SPATS2: variants seen among roughly 807,000 people sequenced by gnomAD.
The protein encoded by SPATS2 is spermatogenesis-associated serine-rich protein 2.
Under a neutral mutation model 63.7 loss-of-function variants are expected in SPATS2, and 38 were observed. That is an observed-to-expected ratio of 0.60 (90% confidence interval 0.46 to 0.78). The LOEUF (loss-of-function observed/expected upper bound fraction) is 0.78. Among genes scored for constraint, SPATS2 ranks in the 30% least tolerant of loss-of-function variants. The pLI, the probability that SPATS2 is intolerant of heterozygous loss-of-function variation, is 0.00. For missense variants in SPATS2, 588 were observed against 666.2 expected (o/e 0.88, Z 1.29); for synonymous variants, 207 against 232.9 (o/e 0.89, Z 1.01).
intron 2 of SPATS2, chr12:49,441,633 T>C (rs1451496015): frequency 6.6e-6 from 1 of 152,218 alleles, no homozygotes. Context: ...TTATTGGTTG[T>C]ACTGAAGATC....
intron 2 of SPATS2, among the ~76,000 whole-genome samples, chr12:49,395,000 G>C (rs1177256464): frequency 6.6e-6 from 1 of 151,816 alleles, no homozygotes; most frequent in Non-Finnish European, 1.5e-5. Flanking sequence ...TTGAACCCAG[G>C]AGGCGGAGGT....
rs1565760757 is a variant in SPATS2 at position 49,516,160 on chromosome 12, AAAAAAAATATATAT to A, written c.898+1549_898+1562del. Among the ~76,000 whole-genome samples the A allele has an allele frequency of 6.0e-4, 18 of 29,886 alleles. 1 individual carries two copies. In the South Asian group the frequency reaches 7.5e-3, roughly 12 times the overall value. The allele number at this position is 29,886 out of a possible 152,430, so 19.6% of individuals were successfully genotyped here. The stretch of plus-strand genomic sequence containing the variant: ...TCTCAAAAAAAAAAAAAAAAAAAAA[AAAAAAAATATATAT>A]ATATATATATATATATATATATATA... On this transcript the variant is annotated intron_variant, in intron 10 of 13. Transcript: ENST00000552918.
chr12:49,467,890 C>CCAT (rs2137726573), intron 3 of SPATS2, among the ~76,000 whole-genome samples: 1 of 151,502 alleles, frequency 6.6e-6, no homozygotes, highest in East Asian at 2.0e-4. Context: ...CCTGCCACCA[C>CCAT]GCCCGGCTAA....
rs1592329930 is a variant in SPATS2 at position 49,367,545 on chromosome 12, C to T, written c.-349C>T. On this transcript the variant is annotated 5_prime_UTR_variant, in exon 1 of 14. Transcript: ENST00000552918. Reference sequence around the variant, plus strand: ...ACCCGGGAGCGTCCGGGACGCGGAGCCCGGAGCTGGGGCGACGAGGCGATT... The same window carrying T: ...ACCCGGGAGCGTCCGGGACGCGGAGTCCGGAGCTGGGGCGACGAGGCGATT... The T allele has an allele frequency of 2.5e-6, 1 of 398,296 alleles. No individual in the cohort carries two copies. Among genetic ancestry groups the T allele is most frequent in the East Asian group, 3.6e-5 (1 of 28,040 alleles). The allele number at this position is 398,296 out of a possible 1,614,324, so 24.7% of individuals were successfully genotyped here.
intron 2 of SPATS2, among the ~76,000 whole-genome samples, chr12:49,407,452 C>G (rs1419482546): frequency 6.6e-6 from 1 of 152,198 alleles, no homozygotes; most frequent in Non-Finnish European, 1.5e-5. Flanking sequence ...CTATGACTCT[C>G]CACTGCTCAC....
intron 2 of SPATS2, among the ~76,000 whole-genome samples, chr12:49,384,106 T>C (rs1239375673): frequency 6.6e-6 from 1 of 152,224 alleles, no homozygotes; most frequent in East Asian, 1.9e-4. Context: ...TAGACTTGAT[T>C]TGGATTCCTC....
chr12:49,371,953 T>A (rs1188735607), intron 2 of SPATS2, among the ~76,000 whole-genome samples: 1 of 904 alleles, frequency 1.1e-3, no homozygotes, highest in Non-Finnish European at 9.4e-3. Context: ...TCCTTTCAGG[T>A]TTTTTTTTTT....
At chr12:49,436,602 G>T (rs548274509) in intron 2 of SPATS2, among the ~76,000 whole-genome samples, 3 of 133,416 alleles carry the variant, frequency 2.2e-5, no homozygotes, top group Non-Finnish European at 3.4e-5. Flanking sequence ...TGGCCGGGCC[G>T]GGGGCTGACC....
intron 2 of SPATS2, among the ~76,000 whole-genome samples, chr12:49,458,732 G>A (rs1055053166): frequency 1.5e-5 from 2 of 136,746 alleles, no homozygotes; most frequent in African/African-American, 2.7e-5. Context: ...ATTCCATCTC[G>A]TTTTTTTTTT....
chr12:49,485,949 A>C (rs896898095), intron 4 of SPATS2, among the ~76,000 whole-genome samples: 2 of 149,278 alleles, frequency 1.3e-5, no homozygotes, highest in African/African-American at 4.9e-5. Flanking sequence ...TAGTAGAGAC[A>C]GGTTTTGTCA....
chr12:49,393,261 C>T (rs931492519), intron 2 of SPATS2, among the ~76,000 whole-genome samples: 2 of 152,104 alleles, frequency 1.3e-5, no homozygotes, highest in South Asian at 4.1e-4. Flanking sequence ...TCTTCCCACT[C>T]ACTACTTTTC....
At chr12:49,474,351 T>C (rs1358256572) in intron 3 of SPATS2, among the ~76,000 whole-genome samples, 1 of 152,220 alleles carries the variant, frequency 6.6e-6, no homozygotes, top group Non-Finnish European at 1.5e-5. Flanking sequence ...CTCATTGATA[T>C]GAAGGTTAAT....
chr12:49,378,261 GTTTATTTTAT>G (rs199537085), intron 2 of SPATS2, among the ~76,000 whole-genome samples: 9,461 of 144,120 alleles, frequency 0.066, 368 homozygotes, highest in Middle Eastern at 0.12. Flanking sequence ...TTGAGTTAAT[GTTTATTTTAT>G]TTTATTTTAT....
chr12:49,512,457 A>C (rs1365426479), intron 9 of SPATS2, among the ~76,000 whole-genome samples: 1 of 152,152 alleles, frequency 6.6e-6, no homozygotes, highest in Non-Finnish European at 1.5e-5. Flanking sequence ...TGGAGGGGTT[A>C]TATGGTTGTC....
chr12:49,526,203 G>A lies in SPATS2; in HGVS notation c.1586G>A (p.Gly529Glu), dbSNP rs1947032339. The A allele has an allele frequency of 1.2e-6, 2 of 1,614,134 alleles. No homozygotes were observed. Among genetic ancestry groups the A allele is most frequent in the African/African-American group, 1.3e-5 (1 of 75,034 alleles). The part of the protein sequence containing the change: ...PSPPTPSFKK[G>E]LPQRKPRTSQ... ...CCTCCCACGCCTTCATTCAAAAAGG[G>A]GCTCCCCCAGCGCAAACCCAGGACC... The change falls in exon 14 of 14, where the codon GGG becomes GAG. Residue 529 changes from glycine to glutamate, a missense_variant. By Grantham distance (98) the Gly-to-Glu change is moderately conservative. Transcript: ENST00000552918.
chr12:49,445,130 C>G (rs534375730), intron 2 of SPATS2, among the ~76,000 whole-genome samples: 1 of 152,194 alleles, frequency 6.6e-6, no homozygotes, highest in Non-Finnish European at 1.5e-5. Flanking sequence ...CTGACAAGAT[C>G]TTTCAGTATG....
chr12:49,373,368 T>C (rs1944035687), intron 2 of SPATS2, among the ~76,000 whole-genome samples: 1 of 152,226 alleles, frequency 6.6e-6, no homozygotes, highest in African/African-American at 2.4e-5. Flanking sequence ...CAGGCTCATA[T>C]GCCATTTTCT....
chr12:49,450,099 G>T (rs1430137408), intron 2 of SPATS2, among the ~76,000 whole-genome samples: 2 of 151,712 alleles, frequency 1.3e-5, no homozygotes, highest in Non-Finnish European at 2.9e-5. Flanking sequence ...TTATTGGTTT[G>T]CATGATATAT....
In SPATS2 at chr12:49,367,822, C is replaced by T. The variant is rs1260924477; in HGVS notation, c.-307+235C>T. Among the ~76,000 whole-genome samples the T allele has an allele frequency of 2.3e-5, 3 of 129,884 alleles. No homozygotes were observed. In the East Asian group the frequency reaches 6.6e-4, roughly 28 times the overall value. 85.2% of individuals were successfully genotyped at this position (129,884 alleles called of 152,430 possible). On this transcript the variant is annotated intron_variant, in intron 1 of 13. Coordinates refer to ENST00000552918, the MANE Select transcript of SPATS2 (RefSeq NM_023071.4). Reference sequence around the variant, plus strand: ...TTGGGGAGTTTCCAGACGGATAGGCCGGGGAAACAATGGAGTGTGGGGGGG... The same window carrying T: ...TTGGGGAGTTTCCAGACGGATAGGCTGGGGAAACAATGGAGTGTGGGGGGG...
Sources: allele counts gnomAD v4.1 joint callset (sites outside exome capture counted in the v4.1 genomes callset), GRCh38; gene constraint gnomAD v4.1.1; transcripts MANE v1.5; gene names NCBI Gene and HGNC (gene_info 2026-07-23, HGNC 2026-07-21).